The following SNTG1 variants were observed in gnomAD, a reference collection of about 807,000 sequenced individuals.
SNTG1 encodes gamma-1-syntrophin.
A neutral mutation model predicts 74.7 loss-of-function variants in SNTG1; 39 were observed. The observed-to-expected ratio is 0.52, with a 90% CI of 0.40 to 0.68. The LOEUF is 0.68. SNTG1 is among the 30% of genes least tolerant of loss of function. The pLI, the probability that SNTG1 is intolerant of heterozygous loss-of-function variation, is 0.00. For missense variants in SNTG1, 685 were observed against 609.5 expected (o/e 1.12, Z -1.30); for synonymous variants, 254 against 217.1 (o/e 1.17, Z -1.49).
In SNTG1 at chr8:50,132,628, CCTT is replaced by C. The variant is rs1586412035; in HGVS notation, c.-102-39930_-102-39928del. 3.9e-5 allele frequency among the ~76,000 whole-genome samples: 6 copies of C among 152,282 alleles called. No individual in the cohort carries two copies. The East Asian group carries it at 5.8e-4, about 15-fold the overall frequency. On this transcript the variant is annotated intron_variant, in intron 1 of 18. Coordinates refer to ENST00000642720, the MANE Select transcript of SNTG1 (RefSeq NM_018967.5). ...GTATCTTGAAAATCTGTCCTCTGGG[CCTT>C]CTGTGGCAAAAGTCCTCACTCTCTT...
chr8:50,455,230 G>C (rs555993260), intron 8 of SNTG1, among the ~76,000 whole-genome samples: 1 of 152,258 alleles, frequency 6.6e-6, no homozygotes, highest in Non-Finnish European at 1.5e-5. Context: ...TGAGACTTTT[G>C]AAAGAGATCA....
chr8:49,971,894 T>C (rs1000678544), intron 1 of SNTG1, among the ~76,000 whole-genome samples: 2 of 152,218 alleles, frequency 1.3e-5, no homozygotes, highest in African/African-American at 4.8e-5. Context: ...GAACATTCCA[T>C]GCTCATGGGT....
At chr8:50,514,108 A>T (rs2094110982) in intron 9 of SNTG1, among the ~76,000 whole-genome samples, 1 of 152,044 alleles carries the variant, frequency 6.6e-6, no homozygotes, top group Non-Finnish European at 1.5e-5. Flanking sequence ...ACTTTTTTTT[A>T]TTAGCCTAGT....
At chr8:50,778,508 G>A (rs1211530980) in intron 18 of SNTG1, among the ~76,000 whole-genome samples, 1 of 151,984 alleles carries the variant, frequency 6.6e-6, no homozygotes, top group Non-Finnish European at 1.5e-5. Context: ...CTTCTTTTGA[G>A]AAGTGTCTGT....
chr8:49,995,013 A>AG (rs34858666), intron 1 of SNTG1, among the ~76,000 whole-genome samples: 118,687 of 152,062 alleles, frequency 0.78, 46,463 homozygotes, highest in East Asian at 0.83. Context: ...AAGAATGTTG[A>AG]GTCCAATGGT....
At chr8:49,915,540 C>T (rs568657464) in intron 1 of SNTG1, among the ~76,000 whole-genome samples, 1 of 152,204 alleles carries the variant, frequency 6.6e-6, no homozygotes, top group East Asian at 1.9e-4. Context: ...TTTTATTACT[C>T]AGAACTGACA....
Position 50,566,824 on chromosome 8 carries a change from T to C in SNTG1, c.810+13645T>C, listed in dbSNP as rs139473779. 5.4e-3 allele frequency among the ~76,000 whole-genome samples: 816 copies of C among 152,154 alleles called. 7 individuals are homozygous for C. Among genetic ancestry groups the C allele is most frequent in the African/African-American group, 0.018 (757 of 41,554 alleles). On this transcript the variant is annotated intron_variant, in intron 12 of 18. Transcript: ENST00000642720. ...AAATCCTAGCTTCTCTAGTTACTAG[T>C]TATGTGTACTTGACTTCAATTTGCT...
intron 8 of SNTG1, among the ~76,000 whole-genome samples, chr8:50,475,156 G>A (rs867630524): frequency 8.6e-5 from 13 of 151,564 alleles, no homozygotes; most frequent in Admixed American, 3.3e-4. Context: ...GCAGCACACC[G>A]ACGTGGCACA....
chr8:50,106,295 T>C (rs939422821), intron 1 of SNTG1, among the ~76,000 whole-genome samples: 3 of 152,170 alleles, frequency 2.0e-5, no homozygotes, highest in Admixed American at 2.0e-4. Context: ...TCAGATCTCA[T>C]GAGAACTCAC....
intron 4 of SNTG1, among the ~76,000 whole-genome samples, chr8:50,421,499 CT>C (rs1359740751): frequency 1.3e-5 from 2 of 152,104 alleles, no homozygotes; most frequent in South Asian, 2.1e-4. Flanking sequence ...ATTTAGCTGG[CT>C]TTTTTTATTG....
At chr8:50,330,829 C>T (rs115990506) in intron 2 of SNTG1, among the ~76,000 whole-genome samples, 1,581 of 152,146 alleles carry the variant, frequency 0.01, 29 homozygotes, top group African/African-American at 0.036. Context: ...TAAAACCATT[C>T]GATCTTGTAA....
chr8:50,324,974 C>CAG (rs1177075861), intron 2 of SNTG1, among the ~76,000 whole-genome samples: 3 of 132,874 alleles, frequency 2.3e-5, no homozygotes, highest in South Asian at 4.8e-4. Flanking sequence ...TATATATAGA[C>CAG]AGAGAGAGAG....
rs147658930 is a variant in SNTG1, at chr8:50,299,764, C to T, written c.-27-94448C>T. ...TTATTGGGATCTCCGTTAGAACTAGCCCTATTTCAAGGGCTCAGTAGATAC... is the reference window on the plus strand; with the variant it reads ...TTATTGGGATCTCCGTTAGAACTAGTCCTATTTCAAGGGCTCAGTAGATAC... On this transcript the variant is annotated intron_variant, in intron 2 of 18. Coordinates refer to ENST00000642720, the MANE Select transcript of SNTG1 (RefSeq NM_018967.5). Among the ~76,000 whole-genome samples the T allele has an allele frequency of 4.5e-3, 680 of 152,156 alleles. 8 individuals are homozygous for T. Among genetic ancestry groups the T allele is most frequent in the Non-Finnish European group, 7.3e-3 (498 of 67,984 alleles).
At chr8:50,165,337 C>A (rs1671054566) in intron 1 of SNTG1, among the ~76,000 whole-genome samples, 1 of 152,150 alleles carries the variant, frequency 6.6e-6, no homozygotes, top group Admixed American at 6.5e-5. Flanking sequence ...AGAGATGAGG[C>A]TTTAGCAAAC....
At chr8:50,289,898 C>G (rs1318197080) in intron 2 of SNTG1, among the ~76,000 whole-genome samples, 1 of 152,104 alleles carries the variant, frequency 6.6e-6, no homozygotes, top group African/African-American at 2.4e-5. Context: ...CAAGGGAATG[C>G]ACGGAATGTA....
intron 1 of SNTG1, among the ~76,000 whole-genome samples, chr8:50,038,537 T>C (rs1454227389): frequency 6.6e-6 from 1 of 152,148 alleles, no homozygotes; most frequent in African/African-American, 2.4e-5. Flanking sequence ...TATATTACTC[T>C]CATGGCAGGC....
intron 1 of SNTG1, among the ~76,000 whole-genome samples, chr8:50,138,424 C>A (rs972428346): frequency 1.3e-5 from 2 of 151,718 alleles, no homozygotes; most frequent in Non-Finnish European, 2.9e-5. Context: ...TCAATACCAG[C>A]CTGGCCAATA....
intron 18 of SNTG1, among the ~76,000 whole-genome samples, chr8:50,791,693 A>G (rs902586382): frequency 2.0e-4 from 30 of 151,960 alleles, no homozygotes; most frequent in African/African-American, 7.0e-4. Context: ...GAAATATATA[A>G]TAAAATAGCA....
chr8:50,405,254 T>C (rs962763639), intron 4 of SNTG1, among the ~76,000 whole-genome samples: 4 of 152,072 alleles, frequency 2.6e-5, no homozygotes, highest in Non-Finnish European at 4.4e-5. Flanking sequence ...TGTACCATTT[T>C]CCATTTCAAC....
Sources: gnomAD v4.1 joint callset for allele counts (sites outside exome capture counted in the v4.1 genomes callset) on GRCh38, gnomAD v4.1.1 for gene constraint, MANE v1.5 for transcripts, NCBI Gene and HGNC (gene_info 2026-07-23, HGNC 2026-07-21) for gene names.